CSMD1: variants seen among roughly 807,000 people sequenced by gnomAD.
CSMD1 encodes the protein CUB and Sushi multiple domains 1, also known as CUB and sushi domain-containing protein 1.
In CSMD1, 213 loss-of-function variants were observed where a neutral mutation model predicts 417.5. The observed-to-expected ratio is 0.51, with a 90% confidence interval of 0.46 to 0.57. The LOEUF (loss-of-function observed/expected upper bound fraction) is 0.57. CSMD1 is among the 20% of genes least tolerant of loss of function. The pLI is 0.00. For missense variants in CSMD1, 6,923 were observed against 4,529.7 expected (o/e 1.53, Z -15.17); for synonymous variants, 2,862 against 1,736.8 (o/e 1.65, Z -16.11).
chr8:3,632,075 GA>G (rs548528720), intron 7 of CSMD1, among the ~76,000 whole-genome samples: 9 of 152,220 alleles, frequency 5.9e-5, no homozygotes, highest in Admixed American at 5.2e-4. Flanking sequence ...TTTCTCTTCA[GA>G]TTTTGTTATT....
chr8:4,303,776 C>T (rs148392928), intron 3 of CSMD1, among the ~76,000 whole-genome samples: 3,318 of 152,184 alleles, frequency 0.022, 54 homozygotes, highest in Non-Finnish European at 0.035. Context: ...CTGCCTCAGC[C>T]TCCTGAGTAG....
intron 50 of CSMD1, among the ~76,000 whole-genome samples, chr8:3,046,003 C>T (rs986602691): frequency 2.6e-5 from 4 of 152,130 alleles, no homozygotes; most frequent in African/African-American, 7.2e-5. Context: ...GACTCACACA[C>T]GATGTGGGTG....
chr8:4,878,676 G>A (rs1296862098), intron 1 of CSMD1, among the ~76,000 whole-genome samples: 1 of 151,812 alleles, frequency 6.6e-6, no homozygotes, highest in Admixed American at 6.6e-5. Context: ...AATGTGTAGG[G>A]TCTTATATTC....
chr8:3,848,958 A>G (rs927785961), intron 5 of CSMD1, among the ~76,000 whole-genome samples: 1 of 151,186 alleles, frequency 6.6e-6, no homozygotes, highest in African/African-American at 2.4e-5. Flanking sequence ...TGTATATACT[A>G]TTGCAAAAAT....
chr8:3,537,326 CAT>C (rs1449706094), intron 10 of CSMD1, among the ~76,000 whole-genome samples: 2 of 152,206 alleles, frequency 1.3e-5, no homozygotes, highest in Admixed American at 1.3e-4. Context: ...TTATATGACT[CAT>C]ATTCCTATCA....
chr8:4,454,635 A>G (rs546417869), intron 2 of CSMD1, among the ~76,000 whole-genome samples: 3 of 152,326 alleles, frequency 2.0e-5, no homozygotes, highest in African/African-American at 7.2e-5. Context: ...TGATAAAGAG[A>G]CTAAGGCTTC....
At chr8:3,854,938 G>A (rs192465810) in intron 5 of CSMD1, among the ~76,000 whole-genome samples, 76 of 152,186 alleles carry the variant, frequency 5.0e-4, no homozygotes, top group Admixed American at 3.3e-3. Context: ...TGTTGAGAAC[G>A]TGATGCTCAA....
intron 23 of CSMD1, among the ~76,000 whole-genome samples, chr8:3,317,160 G>C (rs1044249742): frequency 6.6e-6 from 1 of 152,152 alleles, no homozygotes; most frequent in Non-Finnish European, 1.5e-5. Context: ...AGAATCATCA[G>C]CATTGTTGTC....
At chr8:4,094,769 C>T (rs1428643884) in intron 3 of CSMD1, among the ~76,000 whole-genome samples, 1 of 152,132 alleles carries the variant, frequency 6.6e-6, no homozygotes. Flanking sequence ...AGATGCTGAG[C>T]TAACACTGCG....
intron 3 of CSMD1, among the ~76,000 whole-genome samples, chr8:4,097,908 G>A (rs967283631): frequency 6.6e-5 from 10 of 152,106 alleles, no homozygotes; most frequent in Non-Finnish European, 1.2e-4. Context: ...ACATTTGGAA[G>A]AAAAAGAGCA....
At chr8:3,760,733 G>T (rs998024565) in intron 5 of CSMD1, among the ~76,000 whole-genome samples, 2 of 152,180 alleles carry the variant, frequency 1.3e-5, no homozygotes, top group South Asian at 2.1e-4. Flanking sequence ...CATTAAGCCA[G>T]ATTTCTTATG....
At chr8:4,107,069 G>C (rs920601390) in intron 3 of CSMD1, among the ~76,000 whole-genome samples, 4 of 152,132 alleles carry the variant, frequency 2.6e-5, no homozygotes, top group African/African-American at 7.2e-5. Context: ...AGGCATCCAT[G>C]TCAACGACAA....
intron 3 of CSMD1, among the ~76,000 whole-genome samples, chr8:4,082,899 A>G (rs1344341343): frequency 6.6e-6 from 1 of 151,744 alleles, no homozygotes; most frequent in Non-Finnish European, 1.5e-5. Flanking sequence ...TTTACTGACA[A>G]TGATTATTTC....
At chr8:4,756,586 T>C (rs946744819) in intron 1 of CSMD1, among the ~76,000 whole-genome samples, 6 of 152,228 alleles carry the variant, frequency 3.9e-5, no homozygotes, top group Non-Finnish European at 8.8e-5. Context: ...GTTCTAGACT[T>C]GTTTTTGCAG....
intron 3 of CSMD1, among the ~76,000 whole-genome samples, chr8:4,216,751 AATT>A (rs1388487786): frequency 6.6e-6 from 1 of 152,188 alleles, no homozygotes; most frequent in Non-Finnish European, 1.5e-5. Flanking sequence ...AGACCTTTAA[AATT>A]ACCATTCTCT....
At chr8:3,441,290 C>T (rs1424745331) in intron 12 of CSMD1, among the ~76,000 whole-genome samples, 2 of 152,008 alleles carry the variant, frequency 1.3e-5, no homozygotes, top group African/African-American at 4.8e-5. Context: ...TGTTTTCAAA[C>T]AGTACATTTG....
At chr8:4,131,542 T>C (rs907417241) in intron 3 of CSMD1, among the ~76,000 whole-genome samples, 6 of 152,188 alleles carry the variant, frequency 3.9e-5, no homozygotes, top group Non-Finnish European at 8.8e-5. Flanking sequence ...GCATTTTGTC[T>C]TTAACTGTAG....
intron 10 of CSMD1, among the ~76,000 whole-genome samples, chr8:3,540,051 AC>A (rs1798373440): frequency 6.6e-6 from 1 of 152,204 alleles, no homozygotes; most frequent in Non-Finnish European, 1.5e-5. Context: ...TGTGCACCAC[AC>A]TGCAATCTCT....
chr8:3,574,119 T>C (rs1024524578), intron 10 of CSMD1, among the ~76,000 whole-genome samples: 4 of 152,308 alleles, frequency 2.6e-5, no homozygotes, highest in African/African-American at 7.2e-5. Context: ...GGAGGAAATA[T>C]ATATTTTACA....
Sources: gnomAD v4.1 joint callset for allele counts (sites outside exome capture counted in the v4.1 genomes callset) on GRCh38, gnomAD v4.1.1 for gene constraint, MANE v1.5 for transcripts, NCBI Gene and HGNC (gene_info 2026-07-23, HGNC 2026-07-21) for gene names.